DIAPH2: variants seen among roughly 807,000 people sequenced by gnomAD.
DIAPH2 encodes protein diaphanous homolog 2.
A neutral mutation model predicts 92.7 loss-of-function variants in DIAPH2; 35 were observed. That is an observed-to-expected ratio of 0.38 (90% CI 0.29 to 0.50). The LOEUF is 0.50. DIAPH2 is among the 20% of genes least tolerant of loss of function. DIAPH2 has a pLI of 0.94. For missense variants in DIAPH2, 701 were observed against 819.5 expected (o/e 0.86, Z 1.77); for synonymous variants, 301 against 280.4 (o/e 1.07, Z -0.73).
At chrX:97,386,790 C>CTT (rs1325888065) in intron 25 of DIAPH2, among the ~76,000 whole-genome samples, 3 of 93,419 alleles carry the variant, frequency 3.2e-5, no homozygotes, top group African/African-American at 1.2e-4. Flanking sequence ...CTCTTTCTTT[C>CTT]TTTTTTTTTT....
At chrX:96,752,463 C>T (rs958700836) in intron 3 of DIAPH2, among the ~76,000 whole-genome samples, 2 of 112,086 alleles carry the variant, frequency 1.8e-5, no homozygotes, top group Non-Finnish European at 3.8e-5. Flanking sequence ...TTTTCAGCTT[C>T]GAGTTTAGAA....
chrX:97,497,661 C>G (rs183332639), intron 26 of DIAPH2, among the ~76,000 whole-genome samples: 1 of 110,206 alleles, frequency 9.1e-6, no homozygotes, highest in East Asian at 2.9e-4. Flanking sequence ...CAAAAATTAG[C>G]GAGGTATATT....
intron 22 of DIAPH2, among the ~76,000 whole-genome samples, chrX:97,176,267 T>G: frequency 8.9e-6 from 1 of 111,946 alleles, no homozygotes; most frequent in Non-Finnish European, 1.9e-5. Context: ...AGTTTATTGG[T>G]TTTTCACCTT....
intron 26 of DIAPH2, among the ~76,000 whole-genome samples, chrX:97,561,093 C>A (rs761881910): frequency 1.3e-4 from 14 of 111,862 alleles, no homozygotes; most frequent in Non-Finnish European, 2.4e-4. Context: ...ATCGCTTTGA[C>A]CCCCTTCTTT....
intron 21 of DIAPH2, among the ~76,000 whole-genome samples, chrX:97,138,218 G>A (rs1307568065): frequency 8.9e-6 from 1 of 112,106 alleles, no homozygotes; most frequent in Non-Finnish European, 1.9e-5. Context: ...TGAAGGTTTT[G>A]AAGCTTGAAT....
chrX:97,000,386 G>A (rs1388796136), intron 17 of DIAPH2, among the ~76,000 whole-genome samples: 3 of 111,907 alleles, frequency 2.7e-5, no homozygotes, highest in African/African-American at 6.5e-5. Context: ...AAATTTTCAC[G>A]ACTCATTTAA....
At chrX:97,445,930 C>T (rs1045574406) in intron 26 of DIAPH2, among the ~76,000 whole-genome samples, 5 of 108,596 alleles carry the variant, frequency 4.6e-5, no homozygotes, top group African/African-American at 6.7e-5. Flanking sequence ...AAACCAAGAG[C>T]GACGATACAC....
At chrX:97,397,321 T>G (rs1362242748) in intron 25 of DIAPH2, among the ~76,000 whole-genome samples, 1 of 108,704 alleles carries the variant, frequency 9.2e-6, no homozygotes, top group Non-Finnish European at 1.9e-5. Context: ...ATACTTTTAT[T>G]TGTTTGAACC....
At chrX:96,890,083 A>G (rs745698223) in intron 5 of DIAPH2, among the ~76,000 whole-genome samples, 1 of 111,798 alleles carries the variant, frequency 8.9e-6, no homozygotes, top group Non-Finnish European at 1.9e-5. Context: ...TACATTACTC[A>G]GGCAGAAGGT....
intron 4 of DIAPH2, among the ~76,000 whole-genome samples, chrX:96,874,841 C>T (rs765843895): frequency 4.5e-5 from 5 of 111,698 alleles, no homozygotes; most frequent in East Asian, 2.8e-4. Context: ...ATATGTCTTT[C>T]ATAACATAAG....
chrX:97,141,838 G>C, intron 22 of DIAPH2, 44 bp downstream of exon 22: 1 of 1,121,081 alleles, frequency 8.9e-7, no homozygotes, highest in Non-Finnish European at 1.2e-6. Context: ...TTGCCTATAT[G>C]GTTTAAATGG....
chrX:97,553,086 G>C (rs1332594493), intron 26 of DIAPH2, among the ~76,000 whole-genome samples: 1 of 111,799 alleles, frequency 8.9e-6, no homozygotes, highest in Non-Finnish European at 1.9e-5. Flanking sequence ...TATGTATTTG[G>C]GGAAGACACA....
intron 17 of DIAPH2, among the ~76,000 whole-genome samples, chrX:97,015,113 A>T (rs188828549): frequency 3.2e-4 from 36 of 112,130 alleles, no homozygotes; most frequent in African/African-American, 1.0e-3. Flanking sequence ...ACATGAAAAC[A>T]TATTTCAGAA....
chrX:97,137,301 A>ATG (rs1293367063), intron 21 of DIAPH2, among the ~76,000 whole-genome samples: 14 of 93,114 alleles, frequency 1.5e-4, no homozygotes, highest in African/African-American at 5.5e-4. Context: ...ATATATATAT[A>ATG]TGTATAGAAT....
intron 16 of DIAPH2, among the ~76,000 whole-genome samples, chrX:96,962,438 TATAC>T (rs1569436678): frequency 4.0e-5 from 3 of 74,118 alleles, no homozygotes; most frequent in African/African-American, 1.9e-4. Context: ...TACATATATA[TATAC>T]ATATATACAC....
At chrX:97,356,876 T>A (rs1371627511) in intron 24 of DIAPH2, among the ~76,000 whole-genome samples, 1 of 111,845 alleles carries the variant, frequency 8.9e-6, no homozygotes, top group African/African-American at 3.2e-5. Flanking sequence ...AAAAAACAGT[T>A]TTTTCTAAAA....
At chrX:97,273,552 A>G (rs1040933247) in intron 23 of DIAPH2, among the ~76,000 whole-genome samples, 2 of 112,343 alleles carry the variant, frequency 1.8e-5, no homozygotes, top group African/African-American at 6.5e-5. Context: ...CGATCTTTCT[A>G]TGGTACTTCC....
intron 22 of DIAPH2, among the ~76,000 whole-genome samples, chrX:97,187,281 C>CTTTTTTTTT (rs763781923): frequency 0.21 from 7,599 of 36,834 alleles, 3,023 homozygotes; most frequent in Middle Eastern, 0.38. Context: ...ATTAAGTAGC[C>CTTTTTTTTT]TTTTTTTTTT....
At chrX:97,202,131 C>T (rs2067756096) in intron 22 of DIAPH2, among the ~76,000 whole-genome samples, 1 of 111,821 alleles carries the variant, frequency 8.9e-6, no homozygotes, top group Non-Finnish European at 1.9e-5. Context: ...TTGTCACCAT[C>T]AGGCCTGCTT....
Sources: allele counts gnomAD v4.1 joint callset (sites outside exome capture counted in the v4.1 genomes callset), GRCh38; gene constraint gnomAD v4.1.1; transcripts MANE v1.5; gene names NCBI Gene and HGNC (gene_info 2026-07-23, HGNC 2026-07-21).